Variants in ELAVL3 observed in about 807,000 individuals in gnomAD.
ELAVL3 encodes ELAV like RNA binding protein 3, also known as ELAV-like protein 3.
A neutral mutation model predicts 34.2 loss-of-function variants in ELAVL3; 8 were observed. The observed-to-expected ratio is 0.23, with a 90% CI of 0.14 to 0.42. ELAVL3 has a LOEUF of 0.42. Ranked by LOEUF, ELAVL3 falls within the 10% of genes least tolerant of loss-of-function variation. The probability of loss-of-function intolerance (pLI) is 1.00; values close to 1 mark genes in which losing one functional copy is unlikely to be tolerated. For synonymous variants in ELAVL3, 209 were observed against 222.1 expected, an observed-to-expected ratio of 0.94 and a Z score of 0.53; for missense variants, 273 against 518.8, an observed-to-expected ratio of 0.53 and a Z score of 4.60.
At chr19:11,476,067 A>G (rs1199406535) in intron 1 of ELAVL3, among the ~76,000 whole-genome samples, 4 of 152,204 alleles carry the variant, frequency 2.6e-5, no homozygotes, top group Non-Finnish European at 5.9e-5. Context: ...CAATGTCTGC[A>G]AGGCACCCGC....
rs1305486399 is a variant in ELAVL3 at position 11,453,951 on chromosome 19, A to AC, written c.*574dup. Reference sequence around the variant, plus strand: ...AAAATAGAGTTTTTCTTCCCCTCCCACCCCCCTTTTTTTTTCATTTTGTTT... The same window carrying AC: ...AAAATAGAGTTTTTCTTCCCCTCCCACCCCCCCTTTTTTTTTCATTTTGTTT... On this transcript the variant is annotated 3_prime_UTR_variant, in exon 7 of 7. Coordinates refer to ENST00000359227, the MANE Select transcript of ELAVL3 (RefSeq NM_001420.4). 2 of 69,932 alleles carry AC rather than the reference A, an allele frequency of 2.9e-5. No homozygotes were observed. The highest frequency in any genetic ancestry group is 1.2e-4 in the African/African-American group (2 of 17,190). The allele number at this position is 69,932 out of a possible 1,614,324, so 4.3% of individuals were successfully genotyped here.
At chr19:11,455,978 G>A (rs995722791) in intron 6 of ELAVL3, among the ~76,000 whole-genome samples, 3 of 152,260 alleles carry the variant, frequency 2.0e-5, no homozygotes, top group Admixed American at 6.5e-5. Flanking sequence ...CAAACTACTC[G>A]CTCCTTCTGG....
chr19:11,470,014 A>ACCAC (rs1234547080), intron 1 of ELAVL3, among the ~76,000 whole-genome samples: 1 of 152,090 alleles, frequency 6.6e-6, no homozygotes. Context: ...CCATAATCAC[A>ACCAC]CCACTGCACT....
intron 1 of ELAVL3, among the ~76,000 whole-genome samples, chr19:11,474,971 G>A (rs980336968): frequency 1.7e-4 from 26 of 152,160 alleles, no homozygotes; most frequent in Admixed American, 1.2e-3. Context: ...TGGGACTACA[G>A]GCACCCACCA....
chr19:11,460,747 C>T (rs1970866238), intron 3 of ELAVL3, among the ~76,000 whole-genome samples: 1 of 152,112 alleles, frequency 6.6e-6, no homozygotes, highest in Non-Finnish European at 1.5e-5. Context: ...CCCTATTACT[C>T]TTTCTCAAAG....
At position 11,451,494 on chromosome 19, in the gene ELAVL3, C is replaced by CTTTTTTTTTTTTTTT. The variant is rs950823031; in HGVS notation, c.*3017_*3031dup. 4 of 65,534 alleles carry CTTTTTTTTTTTTTTT rather than the reference C, an allele frequency of 6.1e-5. No homozygotes were observed. Among genetic ancestry groups the CTTTTTTTTTTTTTTT allele is most frequent in the African/African-American group, 1.2e-4 (2 of 17,222 alleles). 4.1% of individuals were successfully genotyped at this position (65,534 alleles called of 1,614,324 possible). On this transcript the variant is annotated 3_prime_UTR_variant, in exon 7 of 7. Transcript: ENST00000359227. ...TTTTTTTTTTTGTCTTTTGTTTTGT[C>CTTTTTTTTTTTTTTT]TTTTTTTTTTTTTTTTTTTTTACAG...
At chr19:11,475,612 CT>C (rs35672237) in intron 1 of ELAVL3, among the ~76,000 whole-genome samples, 10,113 of 133,720 alleles carry the variant, frequency 0.076, 578 homozygotes, top group African/African-American at 0.18. Flanking sequence ...TCACCATCTA[CT>C]TTTTTTTTTT....
chr19:11,478,084 G>A (rs973587230), intron 1 of ELAVL3, among the ~76,000 whole-genome samples: 2 of 152,112 alleles, frequency 1.3e-5, no homozygotes, highest in Admixed American at 1.3e-4. Context: ...TTCTCAGATG[G>A]GGACACTGAG....
chr19:11,467,924 G>A lies in ELAVL3; in HGVS notation c.10-1097C>T, dbSNP rs1175499222. ...CCCACCTCAGCCTCCCAAGTAGCTG[G>A]AACAATAGGCGCATGCCACCATGTC... is the stretch of plus-strand genomic sequence containing the variant. On this transcript the variant is annotated intron_variant, in intron 1 of 6. Coordinates refer to ENST00000359227, the MANE Select transcript of ELAVL3 (RefSeq NM_001420.4). Among the ~76,000 whole-genome samples the A allele has an allele frequency of 2.0e-5, 3 of 152,082 alleles. No homozygotes were observed. The East Asian group carries it at 5.8e-4, about 29-fold the overall frequency.
At chr19:11,468,036 C>G (rs1971091406) in intron 1 of ELAVL3, among the ~76,000 whole-genome samples, 1 of 152,204 alleles carries the variant, frequency 6.6e-6, no homozygotes, top group South Asian at 2.1e-4. Flanking sequence ...GTGATCCTCC[C>G]ACTTTGGCCT....
rs571961428 is a variant in ELAVL3 at position 11,462,808 on chromosome 19, A to G, written c.333+3364T>C. Reference sequence around the variant, plus strand: ...ACCCCGTCTCTACTAAAAAAAATACAAAGATTAGCCGTGCATGGTGGCTGG... The same window carrying G: ...ACCCCGTCTCTACTAAAAAAAATACGAAGATTAGCCGTGCATGGTGGCTGG... On this transcript the variant is annotated intron_variant, in intron 3 of 6. Transcript: ENST00000359227. 5.3e-5 allele frequency among the ~76,000 whole-genome samples: 8 copies of G among 151,194 alleles called. No individual in the cohort carries two copies. In the South Asian group the frequency reaches 1.0e-3, roughly 20 times the overall value.
chr19:11,471,239 G>A (rs1211022752), intron 1 of ELAVL3, among the ~76,000 whole-genome samples: 1 of 151,854 alleles, frequency 6.6e-6, no homozygotes, highest in African/African-American at 2.4e-5. Flanking sequence ...GAACCAGGGA[G>A]GTGGAGGTTG....
chr19:11,478,417 G>A (rs940374794), intron 1 of ELAVL3, among the ~76,000 whole-genome samples: 4 of 152,110 alleles, frequency 2.6e-5, no homozygotes, highest in African/African-American at 9.7e-5. Flanking sequence ...AGCCACACCC[G>A]CCCTGCCCCA....
intron 3 of ELAVL3, among the ~76,000 whole-genome samples, chr19:11,461,691 C>G (rs1043481702): frequency 6.6e-6 from 1 of 151,984 alleles, no homozygotes; most frequent in African/African-American, 2.4e-5. Context: ...TTGACCCCCC[C>G]GGGCTCCAGC....
intron 3 of ELAVL3, among the ~76,000 whole-genome samples, chr19:11,465,668 G>A (rs989965927): frequency 6.6e-6 from 1 of 152,136 alleles, no homozygotes; most frequent in African/African-American, 2.4e-5. Flanking sequence ...CGAACCCAGA[G>A]AGGGGGGTTT....
In ELAVL3 at chr19:11,480,544, C is replaced by T; in HGVS notation, c.9+56G>A. On this transcript the variant is annotated intron_variant, in intron 1 of 6. Coordinates refer to ENST00000359227, the MANE Select transcript of ELAVL3 (RefSeq NM_001420.4). The surrounding 1 kb of genome is among the most constrained non-coding windows in gnomAD (Gnocchi z 6.8). Reference sequence around the variant, plus strand: ...CCGCACCCGCCCAATCTCCGCGGAGCCTGGGCCCAACTCCTCCCCGTCCCG... The same window carrying T: ...CCGCACCCGCCCAATCTCCGCGGAGTCTGGGCCCAACTCCTCCCCGTCCCG... 6.7e-7 allele frequency: 1 copy of T among 1,497,984 alleles called. No homozygotes were observed. Among genetic ancestry groups the T allele is most frequent in the Non-Finnish European group, 8.9e-7 (1 of 1,123,012 alleles). The allele number at this position is 1,497,984 out of a possible 1,614,324, so 92.8% of individuals were successfully genotyped here. A position where few individuals can be genotyped will look rare whatever the true frequency, so the allele number is the denominator to read the frequency against.
chr19:11,466,841 G>C lies in ELAVL3; in HGVS notation c.10-14C>G. ...CCCCAGTATCTGCTGGAGATAACAG[G>C]TCGCATCCGCTCACCGCCCAGTCCC... On this transcript the variant is annotated splice_polypyrimidine_tract_variant and intron_variant, in intron 1 of 6. Coordinates refer to ENST00000359227, the MANE Select transcript of ELAVL3 (RefSeq NM_001420.4). This position sits in a 1 kb window ranked among gnomAD's most constrained non-coding sequence, Gnocchi z 5.0. 1 of 1,578,850 alleles carries C rather than the reference G, an allele frequency of 6.3e-7. No individual in the cohort carries two copies. The highest frequency in any genetic ancestry group is 8.6e-7 in the Non-Finnish European group (1 of 1,161,566).
chr19:11,479,676 C>A (rs997271953), intron 1 of ELAVL3, among the ~76,000 whole-genome samples: 1 of 151,322 alleles, frequency 6.6e-6, no homozygotes, highest in African/African-American at 2.4e-5. Flanking sequence ...TGGGCGTGCC[C>A]GGGCGTGGCC....
intron 1 of ELAVL3, among the ~76,000 whole-genome samples, chr19:11,479,603 C>A (rs898615883): frequency 2.0e-5 from 3 of 151,466 alleles, no homozygotes; most frequent in African/African-American, 4.8e-5. Flanking sequence ...CCCGGGCTGC[C>A]GAGTGGGAAT....
Sources: gnomAD v4.1 joint callset for allele counts (sites outside exome capture counted in the v4.1 genomes callset) on GRCh38, gnomAD v4.1.1 for gene constraint, Gnocchi (gnomAD v3.1) non-coding constraint, MANE v1.5 for transcripts, NCBI Gene and HGNC (gene_info 2026-07-23, HGNC 2026-07-21) for gene names.